DLEC1: variants seen among roughly 807,000 people sequenced by gnomAD.
The protein encoded by DLEC1 is deleted in lung and esophageal cancer protein 1.
Under a neutral mutation model 198.1 loss-of-function variants are expected in DLEC1, and 146 were observed. That is an observed-to-expected ratio of 0.74 (90% confidence interval 0.64 to 0.85). The LOEUF is 0.85. Ranked by LOEUF, DLEC1 falls within the 40% of genes least tolerant of loss-of-function variation. The pLI is 0.00. For synonymous variants in DLEC1, 897 were observed against 866.8 expected, an observed-to-expected ratio of 1.03 and a Z score of -0.61; for missense variants, 2,233 against 2,220.0, an observed-to-expected ratio of 1.01 and a Z score of -0.12.
intron 6 of DLEC1, among the ~76,000 whole-genome samples, chr3:38,081,892 C>T (rs1575164309): frequency 2.9e-5 from 4 of 137,798 alleles, no homozygotes; most frequent in East Asian, 2.3e-4. Context: ...GGGCGGGGGG[C>T]TGACCCCCCC....
chr3:38,062,171 A>T lies in DLEC1; in HGVS notation c.676A>T (p.Ile226Phe). ...AGTTTGTTTCCTTGATGCTGTAGGC[A>T]TCTCCCTACCTGGATGTTCAAAACT... is the stretch of plus-strand genomic sequence containing the variant. Reference protein sequence around the residue: ...TVPFHSAPKGISLPGCSKLTF... With the variant: ...TVPFHSAPKGFSLPGCSKLTF... Residue 226 changes from isoleucine to phenylalanine, a missense_variant and splice_region_variant, in exon 4 of 37, where the codon ATC becomes TTC. Ile to Phe is a conservative substitution (Grantham distance 21). Transcript: ENST00000308059. The T allele has an allele frequency of 6.2e-7, 1 of 1,614,186 alleles. No individual in the cohort carries two copies. The highest frequency in any genetic ancestry group is 8.5e-7 in the Non-Finnish European group (1 of 1,180,042).
chr3:38,096,756 C>G lies in DLEC1; in HGVS notation c.2340+19C>G. 1 of 1,589,044 alleles carries G rather than the reference C, an allele frequency of 6.3e-7. No individual in the cohort carries two copies. Among genetic ancestry groups the G allele is most frequent in the Non-Finnish European group, 8.6e-7 (1 of 1,167,760 alleles). ...TTTTAAGGTAGGTCATTGTCTCTCC[C>G]CTGCCTAGGCTGGCCGAGGCAGTGT... On this transcript the variant is annotated intron_variant, in intron 15 of 36. Coordinates refer to ENST00000308059, the MANE Select transcript of DLEC1 (RefSeq NM_007335.4).
intron 6 of DLEC1, among the ~76,000 whole-genome samples, chr3:38,075,966 T>G (rs566746487): frequency 6.6e-6 from 1 of 152,248 alleles, no homozygotes; most frequent in East Asian, 1.9e-4. Flanking sequence ...GTCTGACACC[T>G]CTGAAACGTG....
chr3:38,104,945 A>T (rs2125712124), intron 19 of DLEC1, among the ~76,000 whole-genome samples: 1 of 152,270 alleles, frequency 6.6e-6, no homozygotes, highest in East Asian at 1.9e-4. Flanking sequence ...TTACAAATAT[A>T]AATTTTCCTC....
chr3:38,065,707 T>C (rs1696992668), intron 6 of DLEC1, among the ~76,000 whole-genome samples: 1 of 152,242 alleles, frequency 6.6e-6, no homozygotes, highest in Admixed American at 6.5e-5. Flanking sequence ...CACCCAGCCA[T>C]ATTAATAATG....
At chr3:38,108,312 A>T in intron 20 of DLEC1, 93 bp from the exon 21 acceptor site, 1 of 1,074,444 alleles carries the variant, frequency 9.3e-7, no homozygotes, top group East Asian at 2.5e-5. Context: ...GCCAGTCTCC[A>T]GCATTGCATG....
intron 6 of DLEC1, among the ~76,000 whole-genome samples, chr3:38,071,450 C>T (rs1055774708): frequency 7.2e-5 from 11 of 152,092 alleles, no homozygotes; most frequent in African/African-American, 9.7e-5. Context: ...TATGAAATGA[C>T]GACAGAATAG....
At chr3:38,076,218 G>T (rs750283370) in intron 6 of DLEC1, among the ~76,000 whole-genome samples, 4 of 152,198 alleles carry the variant, frequency 2.6e-5, no homozygotes, top group Admixed American at 1.3e-4. Flanking sequence ...AAAAGAGGCC[G>T]CTTACCAGAT....
intron 5 of DLEC1, 45 bp downstream of exon 5, chr3:38,062,846 A>G (rs34026271): frequency 5.6e-6 from 9 of 1,597,782 alleles, no homozygotes; most frequent in Non-Finnish European, 7.7e-6. Context: ...CTGGCCCATG[A>G]GAGTTAACCT....
At chr3:38,051,663 CCG>C in intron 2 of DLEC1, 1 of 222,764 alleles carries the variant, frequency 4.5e-6, no homozygotes. Flanking sequence ...AGAATAAAAG[CCG>C]CCCTCATTCT....
chr3:38,049,526 A>G (rs1450437463), intron 2 of DLEC1, among the ~76,000 whole-genome samples: 1 of 152,234 alleles, frequency 6.6e-6, no homozygotes, highest in Non-Finnish European at 1.5e-5. Context: ...CCTTGCTGGA[A>G]ACTTGTCCAC....
chr3:38,095,321 G>A, intron 13 of DLEC1: 1 of 529,746 alleles, frequency 1.9e-6, no homozygotes, highest in Non-Finnish European at 3.4e-6. Flanking sequence ...CTCCGCTCTG[G>A]GTGTCTCCCA....
chr3:38,080,070 G>C (rs1697882597), intron 6 of DLEC1, among the ~76,000 whole-genome samples: 1 of 152,206 alleles, frequency 6.6e-6, no homozygotes, highest in Admixed American at 6.5e-5. Context: ...GCCATGAACT[G>C]GGCTGGGTTT....
rs774606683 is a variant in DLEC1 at position 38,121,634 on chromosome 3, C to T, written c.4873C>T (p.Pro1625Ser). 13 of 1,613,094 alleles carry T rather than the reference C, an allele frequency of 8.1e-6. No individual in the cohort carries two copies. Among genetic ancestry groups the T allele is most frequent in the Non-Finnish European group, 3.4e-6 (4 of 1,179,732 alleles). ...EYTNQTTQVV[P>S]LRAVVAVPEL... ...GTTGCCTGGTCTCCCACAGGTGGTG[C>T]CCCTGCGGGCTGTGGTGGCCGTGCC... Residue 1625 changes from proline to serine, a missense_variant, in exon 35 of 37, where the codon CCC becomes TCC. Physicochemically the swap from Pro to Ser is moderately conservative, Grantham distance 74 (BLOSUM62 -1). Coordinates refer to ENST00000308059, the MANE Select transcript of DLEC1 (RefSeq NM_007335.4).
chr3:38,063,851 A>AG lies in DLEC1; in HGVS notation c.1105_1106insG (p.Thr369SerfsTer7). On this transcript the variant is annotated frameshift_variant, in exon 6 of 37. Coordinates refer to ENST00000308059, the MANE Select transcript of DLEC1 (RefSeq NM_007335.4). LOFTEE classifies it high-confidence loss of function. ...TTTTTCATCCCACAGTTGTGCTGAT[A>AG]CTCCAGTGTTTCTAGCTAAGCCACC... is the stretch of plus-strand genomic sequence containing the variant. The AG allele has an allele frequency of 6.2e-7, 1 of 1,613,310 alleles. No individual in the cohort carries two copies. The highest frequency in any genetic ancestry group is 8.5e-7 in the Non-Finnish European group (1 of 1,179,558).
Position 38,109,688 on chromosome 3 carries a change from A to G in DLEC1, c.3260+126A>G, listed in dbSNP as rs544212985. The stretch of plus-strand genomic sequence containing the variant: ...TGATTCCTGCAGGCAGGAAAACGCC[A>G]CAGTGTTATTGCGGCCACTCACCAC... On this transcript the variant is annotated intron_variant, in intron 22 of 36. Coordinates refer to ENST00000308059, the MANE Select transcript of DLEC1 (RefSeq NM_007335.4). 60 of 1,491,244 alleles carry G rather than the reference A, an allele frequency of 4.0e-5. No homozygotes were observed. In the East Asian group the frequency reaches 1.3e-3, roughly 33 times the overall value. The allele number at this position is 1,491,244 out of a possible 1,614,324, so 92.4% of individuals were successfully genotyped here.
At chr3:38,084,281 G>T in intron 7 of DLEC1, 36 bp downstream of exon 7, 2 of 1,563,890 alleles carry the variant, frequency 1.3e-6, no homozygotes, top group South Asian at 2.2e-5. Flanking sequence ...TAGTAGTAGT[G>T]GTAATAGTAG....
intron 10 of DLEC1, among the ~76,000 whole-genome samples, chr3:38,090,850 A>T (rs1331158291): frequency 6.6e-6 from 1 of 152,138 alleles, no homozygotes; most frequent in East Asian, 1.9e-4. Flanking sequence ...GAGAATAATG[A>T]TCATCCATGT....
intron 33 of DLEC1, among the ~76,000 whole-genome samples, chr3:38,119,660 G>A (rs914390438): frequency 2.6e-5 from 4 of 151,584 alleles, no homozygotes; most frequent in East Asian, 1.9e-4. Flanking sequence ...CTCCCACCTC[G>A]GCCTCCCAAG....
Sources: allele counts gnomAD v4.1 joint callset (sites outside exome capture counted in the v4.1 genomes callset), GRCh38; gene constraint gnomAD v4.1.1; transcripts MANE v1.5; gene names NCBI Gene and HGNC (gene_info 2026-07-23, HGNC 2026-07-21).